The following PTPRJ variants were observed in gnomAD, a reference collection of about 807,000 sequenced individuals.
PTPRJ encodes receptor-type tyrosine-protein phosphatase eta.
A neutral mutation model predicts 141.3 loss-of-function variants in PTPRJ; 129 were observed. The observed-to-expected ratio is 0.91, with a 90% CI of 0.79 to 1.06. PTPRJ has a LOEUF of 1.06. PTPRJ is among the 50% of genes least tolerant of loss of function. PTPRJ has a pLI of 0.00. For missense variants in PTPRJ, 1,601 were observed against 1,679.7 expected (o/e 0.95, Z 0.82); for synonymous variants, 610 against 640.5 (o/e 0.95, Z 0.72).
At chr11:48,040,930 C>T (rs527918558) in intron 1 of PTPRJ, among the ~76,000 whole-genome samples, 32 of 152,196 alleles carry the variant, frequency 2.1e-4, no homozygotes, top group Admixed American at 9.8e-4. Flanking sequence ...TCACTACAGC[C>T]GTGGAGAGCT....
intron 1 of PTPRJ, among the ~76,000 whole-genome samples, chr11:48,020,351 G>A (rs1228028): frequency 0.065 from 9,943 of 152,232 alleles, 1,042 homozygotes; most frequent in African/African-American, 0.22. Flanking sequence ...TATGAAATAC[G>A]GAAATTTTTG....
At chr11:48,054,181 G>A (rs1489360365) in intron 1 of PTPRJ, among the ~76,000 whole-genome samples, 8 of 151,920 alleles carry the variant, frequency 5.3e-5, no homozygotes, top group Admixed American at 6.5e-5. Context: ...TGATTTGCCC[G>A]CCTTGGCCTC....
intron 15 of PTPRJ, among the ~76,000 whole-genome samples, chr11:48,147,184 C>T (rs1482220491): frequency 1.3e-5 from 2 of 152,164 alleles, no homozygotes; most frequent in African/African-American, 4.8e-5. Context: ...ATAGACGCCA[C>T]AGTGTGGGAT....
chr11:48,151,084 T>G (rs953139780), intron 18 of PTPRJ, among the ~76,000 whole-genome samples: 1 of 152,192 alleles, frequency 6.6e-6, no homozygotes, highest in African/African-American at 2.4e-5. Context: ...TTATCCTTTT[T>G]CCTATATTCT....
intron 1 of PTPRJ, among the ~76,000 whole-genome samples, chr11:48,063,707 A>G (rs1056858454): frequency 6.6e-6 from 1 of 152,220 alleles, no homozygotes; most frequent in African/African-American, 2.4e-5. Context: ...GATTTTTAGC[A>G]TCATTCAAAA....
At chr11:48,157,931 C>A (rs1043212698) in intron 21 of PTPRJ, among the ~76,000 whole-genome samples, 20 of 152,142 alleles carry the variant, frequency 1.3e-4, no homozygotes, top group African/African-American at 4.8e-4. Context: ...GGTGGGCAGA[C>A]CACCTGAGGT....
At chr11:48,135,293 G>A (rs1048554848) in intron 8 of PTPRJ, among the ~76,000 whole-genome samples, 2 of 149,460 alleles carry the variant, frequency 1.3e-5, no homozygotes, top group Admixed American at 1.4e-4. Context: ...TCCTGCCTCA[G>A]CCTCCCAAGT....
intron 1 of PTPRJ, among the ~76,000 whole-genome samples, chr11:48,084,365 G>A (rs149010302): frequency 1.4e-3 from 217 of 152,178 alleles, no homozygotes; most frequent in Non-Finnish European, 2.5e-3. Flanking sequence ...TGTATTTTTA[G>A]CAGAGACGGG....
chr11:48,054,249 T>G (rs978274212), intron 1 of PTPRJ, among the ~76,000 whole-genome samples: 2 of 152,198 alleles, frequency 1.3e-5, no homozygotes, highest in African/African-American at 4.8e-5. Context: ...TCACAAAATA[T>G]ATATGGCCAA....
At chr11:48,048,409 T>C (rs951530817) in intron 1 of PTPRJ, among the ~76,000 whole-genome samples, 3 of 152,234 alleles carry the variant, frequency 2.0e-5, no homozygotes. Context: ...CTTACGGCCA[T>C]GATGACTGCT....
rs569375265 is a variant in PTPRJ, at chr11:48,158,168, A to C, written c.3439-1762A>C. On this transcript the variant is annotated intron_variant, in intron 21 of 24. Coordinates refer to ENST00000418331, the MANE Select transcript of PTPRJ (RefSeq NM_002843.4). The surrounding 1 kb of genome is among the most constrained non-coding windows in gnomAD (Gnocchi z 4.4). ...CTCTGTCTCAAAACAAAACAAAACAAAAAAAGAAGAATGCAAATAAGCTTT... is the reference window on the plus strand; with the variant it reads ...CTCTGTCTCAAAACAAAACAAAACACAAAAAGAAGAATGCAAATAAGCTTT... 6.6e-6 allele frequency among the ~76,000 whole-genome samples: 1 copy of C among 152,282 alleles called. No homozygotes were observed. The highest frequency in any genetic ancestry group is 2.4e-5 in the African/African-American group (1 of 41,554).
At chr11:47,990,099 T>C (rs1412319938) in intron 1 of PTPRJ, among the ~76,000 whole-genome samples, 1 of 152,176 alleles carries the variant, frequency 6.6e-6, no homozygotes, top group African/African-American at 2.4e-5. Context: ...GTATTTCTGA[T>C]TGTGCCACTG....
At chr11:48,014,336 T>G (rs1854896188) in intron 1 of PTPRJ, 1 of 152,234 alleles carries the variant, frequency 6.6e-6, no homozygotes. Context: ...AACTTAAATC[T>G]GTTGGTAACT....
intron 7 of PTPRJ, 27 bp downstream of exon 7, chr11:48,128,070 C>G (rs959800778): frequency 5.6e-6 from 9 of 1,600,590 alleles, no homozygotes; most frequent in Non-Finnish European, 7.7e-6. Context: ...CTCTCACCAC[C>G]CTTTCCTGCT....
intron 1 of PTPRJ, among the ~76,000 whole-genome samples, chr11:48,002,152 T>C (rs2134191197): frequency 6.6e-6 from 1 of 151,294 alleles, no homozygotes; most frequent in South Asian, 2.1e-4. Flanking sequence ...TTTTTTTTTT[T>C]TTTGAGACAG....
intron 1 of PTPRJ, among the ~76,000 whole-genome samples, chr11:48,060,986 A>G (rs1590453586): frequency 6.6e-6 from 1 of 151,902 alleles, no homozygotes; most frequent in South Asian, 2.1e-4. Flanking sequence ...TCTTAATCTC[A>G]ATCTCTTCTT....
chr11:48,155,114 A>C (rs1227609908), intron 19 of PTPRJ, among the ~76,000 whole-genome samples: 1 of 152,152 alleles, frequency 6.6e-6, no homozygotes, highest in Non-Finnish European at 1.5e-5. Flanking sequence ...GTTTGTGTGT[A>C]TGCTTTTGAG....
intron 1 of PTPRJ, among the ~76,000 whole-genome samples, chr11:48,049,889 A>G (rs1174865911): frequency 2.0e-5 from 3 of 152,114 alleles, no homozygotes; most frequent in Non-Finnish European, 4.4e-5. Flanking sequence ...TCCTATATGA[A>G]ACCCTCTTAA....
chr11:48,006,315 G>T (rs1381859969), intron 1 of PTPRJ, among the ~76,000 whole-genome samples: 1 of 152,036 alleles, frequency 6.6e-6, no homozygotes, highest in African/African-American at 2.4e-5. Context: ...GGAGAGGATG[G>T]AGGCGAGAGA....
Sources: allele counts gnomAD v4.1 joint callset (sites outside exome capture counted in the v4.1 genomes callset), GRCh38; gene constraint gnomAD v4.1.1; non-coding constraint Gnocchi (gnomAD v3.1); transcripts MANE v1.5; gene names NCBI Gene and HGNC (gene_info 2026-07-23, HGNC 2026-07-21).